The following OR6N1 variants were observed in gnomAD, a reference collection of about 807,000 sequenced individuals.
OR6N1 encodes the protein olfactory receptor 6N1.
For synonymous variants in OR6N1, 170 were observed against 150.7 expected (o/e 1.13, Z -0.94); for missense variants, 394 against 371.7 (o/e 1.06, Z -0.49).
the OR6N1 span, among the ~76,000 whole-genome samples, chr1:158,786,680 A>G: frequency 2.0e-5 from 3 of 152,212 alleles, no homozygotes; most frequent in Non-Finnish European, 4.4e-5. Context: ...CAAAAGGAAC[A>G]AAATAATGTT....
chr1:158,787,635 T>TCTCACACACACACACACACACA, the OR6N1 span, among the ~76,000 whole-genome samples: 1 of 134,206 alleles, frequency 7.5e-6, no homozygotes, highest in Non-Finnish European at 1.6e-5. Context: ...TCTCTCTCTC[T>TCTCACACACACACACACACACA]CACACACACA....
chr1:158,787,712 C>T, the OR6N1 span, among the ~76,000 whole-genome samples: 1 of 151,676 alleles, frequency 6.6e-6, no homozygotes, highest in Non-Finnish European at 1.5e-5. Flanking sequence ...AATAGTATTT[C>T]TCCAGTTCTG....
chr1:158,804,075 G>C, the OR6N1 span, among the ~76,000 whole-genome samples: 1 of 152,178 alleles, frequency 6.6e-6, no homozygotes, highest in Admixed American at 6.5e-5. Context: ...CCTAACTGAG[G>C]TCTGGGGACA....
chr1:158,813,944 C>A, the OR6N1 span, among the ~76,000 whole-genome samples: 1 of 152,044 alleles, frequency 6.6e-6, no homozygotes, highest in Non-Finnish European at 1.5e-5. Flanking sequence ...AAGCAATCCT[C>A]CCACCTCAGC....
the OR6N1 span, among the ~76,000 whole-genome samples, chr1:158,840,080 A>C: frequency 6.6e-6 from 1 of 152,160 alleles, no homozygotes; most frequent in Admixed American, 6.5e-5. Context: ...TTTTAGAAAG[A>C]CTACTTAATG....
chr1:158,768,647 G>A (rs1470123531), intron 1 of OR6N1, among the ~76,000 whole-genome samples: 1 of 152,168 alleles, frequency 6.6e-6, no homozygotes, highest in Non-Finnish European at 1.5e-5. Context: ...AATGTGTTCA[G>A]TGACATATCA....
the OR6N1 span, among the ~76,000 whole-genome samples, chr1:158,825,989 C>T: frequency 6.6e-6 from 1 of 151,994 alleles, no homozygotes; most frequent in East Asian, 1.9e-4. Flanking sequence ...GCCTCAATAA[C>T]TAGAGGCCAT....
chr1:158,774,752 T>C (rs1657540267), upstream of OR6N1: 1 of 151,842 alleles, frequency 6.6e-6, no homozygotes, highest in African/African-American at 2.4e-5. Context: ...CCTAGTATGA[T>C]GCACAGTAGC....
chr1:158,777,257 A>G, the OR6N1 span: 1 of 1,614,174 alleles, frequency 6.2e-7, no homozygotes, highest in Non-Finnish European at 8.5e-7. Context: ...AGGGGCCGAC[A>G]AATGGCCAGG....
At chr1:158,824,407 T>C in the OR6N1 span, among the ~76,000 whole-genome samples, 3 of 152,198 alleles carry the variant, frequency 2.0e-5, no homozygotes, top group Non-Finnish European at 4.4e-5. Context: ...GGTATGTCTT[T>C]ATTAGCAGCA....
At chr1:158,776,703 T>C (rs368185988), upstream of OR6N1, 2 of 1,607,526 alleles carry the variant, frequency 1.2e-6, no homozygotes, top group Non-Finnish European at 1.7e-6. Flanking sequence ...CAAGACTAGC[T>C]TTATCTCCCT....
the OR6N1 span, chr1:158,777,210 G>A: frequency 1.2e-6 from 2 of 1,614,130 alleles, no homozygotes; most frequent in Non-Finnish European, 1.7e-6. Flanking sequence ...CAGCCATCTT[G>A]GCACAGAGTG....
chr1:158,766,777 T>C (rs1657287088), intron 1 of OR6N1, 77 bp from the exon 2 acceptor site: 1 of 850,640 alleles, frequency 1.2e-6, no homozygotes, highest in Non-Finnish European at 1.8e-6. Context: ...CTCAAATTAC[T>C]ATTGCCCTCC....
chr1:158,826,461 T>A, the OR6N1 span, among the ~76,000 whole-genome samples: 2 of 152,196 alleles, frequency 1.3e-5, no homozygotes, highest in Non-Finnish European at 2.9e-5. Flanking sequence ...TTAGTTTAGT[T>A]CAACCAACAT....
chr1:158,769,351 A>G (rs1657355525), intron 1 of OR6N1, among the ~76,000 whole-genome samples: 1 of 151,890 alleles, frequency 6.6e-6, no homozygotes, highest in Admixed American at 6.6e-5. Context: ...TTTGGTAGAG[A>G]TGGGGTTTAG....
chr1:158,776,514 C>G (rs889892537), upstream of OR6N1: 12 of 481,640 alleles, frequency 2.5e-5, no homozygotes, highest in African/African-American at 1.8e-4. Context: ...CATAAGTGAT[C>G]GAGTAAAAAA....
chr1:158,835,271 G>A, the OR6N1 span, among the ~76,000 whole-genome samples: 1 of 152,196 alleles, frequency 6.6e-6, no homozygotes, highest in South Asian at 2.1e-4. Context: ...GCCTTCCCAT[G>A]TACATTTGTG....
the OR6N1 span, among the ~76,000 whole-genome samples, chr1:158,789,454 A>G: frequency 6.6e-6 from 1 of 152,236 alleles, no homozygotes; most frequent in South Asian, 2.1e-4. Flanking sequence ...TTAAATTCTC[A>G]CCAACAGCCT....
chr1:158,769,146 C>G (rs1468688316), intron 1 of OR6N1, among the ~76,000 whole-genome samples: 2 of 151,852 alleles, frequency 1.3e-5, no homozygotes, highest in African/African-American at 2.4e-5. Context: ...AGGAAAATTT[C>G]ATAGAACACA....
Sources: allele counts gnomAD v4.1 joint callset (sites outside exome capture counted in the v4.1 genomes callset), GRCh38; gene constraint gnomAD v4.1.1; transcripts MANE v1.5; gene names NCBI Gene and HGNC (gene_info 2026-07-23, HGNC 2026-07-21).